LSAMP: variants seen among roughly 807,000 people sequenced by gnomAD.
The protein encoded by LSAMP is limbic system-associated membrane protein.
Under a neutral mutation model 38.6 loss-of-function variants are expected in LSAMP, and 7 were observed. The observed-to-expected ratio is 0.18, with a 90% confidence interval of 0.10 to 0.34. The LOEUF (loss-of-function observed/expected upper bound fraction) is 0.34, where lower values mean the gene tolerates loss of function less well. LSAMP is among the 10% of genes least tolerant of loss of function. The pLI, the probability that LSAMP is intolerant of heterozygous loss-of-function variation, is 1.00. For missense variants in LSAMP, 313 were observed against 420.0 expected (o/e 0.75, Z 2.23); for synonymous variants, 154 against 166.8 (o/e 0.92, Z 0.59).
intron 1 of LSAMP, among the ~76,000 whole-genome samples, chr3:116,266,540 G>A (rs562186447): frequency 1.3e-5 from 2 of 152,056 alleles, no homozygotes; most frequent in African/African-American, 4.8e-5. Context: ...AATAAATAGG[G>A]AACTTTTATT....
At chr3:116,152,744 A>G (rs16824478) in intron 1 of LSAMP, among the ~76,000 whole-genome samples, 23,543 of 152,110 alleles carry the variant, frequency 0.15, 2,240 homozygotes, top group Admixed American at 0.21. Flanking sequence ...AAGAAATCCA[A>G]AGCTCATCAG....
intron 1 of LSAMP, among the ~76,000 whole-genome samples, chr3:116,193,913 C>T (rs780400869): frequency 6.7e-6 from 1 of 150,366 alleles, no homozygotes; most frequent in Non-Finnish European, 1.5e-5. Flanking sequence ...AGTCATCATC[C>T]CTTTGCTGAC....
chr3:115,904,726 C>A (rs902209529), intron 3 of LSAMP, among the ~76,000 whole-genome samples: 12 of 152,222 alleles, frequency 7.9e-5, no homozygotes, highest in African/African-American at 2.9e-4. Flanking sequence ...CATCAACGTT[C>A]CTTCCTCTGG....
rs1385202316 is a variant in LSAMP, at chr3:115,849,298, C to T, written c.649+3185G>A. Among the ~76,000 whole-genome samples, 11 of 152,284 alleles carry T rather than the reference C, an allele frequency of 7.2e-5. No individual in the cohort carries two copies. In the East Asian group the frequency reaches 1.4e-3, roughly 19 times the overall value. On this transcript the variant is annotated intron_variant, in intron 4 of 6. Transcript: ENST00000490035. ...GCTATATGCCTACTGCAGAGAAGTG[C>T]TATCCAAAAGAAGTAAAAAGGAGAG... is the stretch of plus-strand genomic sequence containing the variant.
chr3:116,308,145 T>C (rs533355070), intron 1 of LSAMP, among the ~76,000 whole-genome samples: 2 of 152,118 alleles, frequency 1.3e-5, no homozygotes, highest in East Asian at 3.9e-4. Flanking sequence ...TCTTTTAAAA[T>C]TGCCTATTAG....
At chr3:115,988,919 T>G (rs571460193) in intron 3 of LSAMP, among the ~76,000 whole-genome samples, 2 of 152,192 alleles carry the variant, frequency 1.3e-5, no homozygotes, top group South Asian at 4.1e-4. Flanking sequence ...TTAAAACTCT[T>G]TCATTCTCGA....
At chr3:116,358,847 T>C (rs139807338) in intron 1 of LSAMP, among the ~76,000 whole-genome samples, 2 of 152,186 alleles carry the variant, frequency 1.3e-5, no homozygotes, top group African/African-American at 4.8e-5. Flanking sequence ...AAATTGTTAA[T>C]AGAACAAACA....
intron 2 of LSAMP, among the ~76,000 whole-genome samples, chr3:116,042,749 G>A (rs1941203134): frequency 6.6e-6 from 1 of 152,084 alleles, no homozygotes; most frequent in Non-Finnish European, 1.5e-5. Flanking sequence ...TCTTAATCAA[G>A]TAATCTGTCT....
intron 1 of LSAMP, among the ~76,000 whole-genome samples, chr3:116,337,643 A>T (rs967351935): frequency 6.6e-6 from 1 of 152,048 alleles, no homozygotes; most frequent in African/African-American, 2.4e-5. Context: ...ACTTAACAAC[A>T]TCAAACTTCA....
chr3:115,918,161 T>A (rs1461734344), intron 3 of LSAMP, among the ~76,000 whole-genome samples: 1 of 152,176 alleles, frequency 6.6e-6, no homozygotes, highest in Non-Finnish European at 1.5e-5. Flanking sequence ...GATTTTTATT[T>A]TTCCAGTGCC....
chr3:116,214,912 T>A (rs1009110201), intron 1 of LSAMP, among the ~76,000 whole-genome samples: 1 of 152,156 alleles, frequency 6.6e-6, no homozygotes, highest in African/African-American at 2.4e-5. Flanking sequence ...TAAATTTCAA[T>A]GAACTGTGAC....
chr3:116,103,240 C>T (rs1559743361), intron 1 of LSAMP, among the ~76,000 whole-genome samples: 1 of 151,990 alleles, frequency 6.6e-6, no homozygotes, highest in Non-Finnish European at 1.5e-5. Flanking sequence ...CCCAGGTGGG[C>T]AGATCACTTG....
At chr3:116,258,190 C>T (rs1173546533) in intron 1 of LSAMP, among the ~76,000 whole-genome samples, 1 of 152,084 alleles carries the variant, frequency 6.6e-6, no homozygotes, top group Non-Finnish European at 1.5e-5. Flanking sequence ...ACACCATTGC[C>T]TTTCTACAAA....
rs185352479 is a variant in LSAMP at position 116,028,541 on chromosome 3, C to A, written c.389-8901G>T. Among the ~76,000 whole-genome samples the A allele has an allele frequency of 2.6e-3, 401 of 152,238 alleles. 1 individual carries two copies. The highest frequency in any genetic ancestry group is 4.4e-3 in the Non-Finnish European group (300 of 68,028). ...TAAATGCTTTAGTTTCCTCACCTAG[C>A]AATTGGAGGTACAAGGTTGGCATTA... On this transcript the variant is annotated intron_variant, in intron 2 of 6. Transcript: ENST00000490035.
At chr3:116,366,589 A>T (rs2048357451) in intron 1 of LSAMP, among the ~76,000 whole-genome samples, 1 of 152,186 alleles carries the variant, frequency 6.6e-6, no homozygotes, top group Non-Finnish European at 1.5e-5. Context: ...GAAAGCATCT[A>T]AGGATTAAAG....
intron 1 of LSAMP, among the ~76,000 whole-genome samples, chr3:116,204,323 T>G (rs1027835059): frequency 2.0e-5 from 3 of 152,062 alleles, no homozygotes; most frequent in African/African-American, 7.2e-5. Context: ...ATGAGTAGGT[T>G]GCGAAAACTT....
chr3:115,974,526 T>G (rs1385215608), intron 3 of LSAMP, among the ~76,000 whole-genome samples: 1 of 151,664 alleles, frequency 6.6e-6, no homozygotes, highest in South Asian at 2.1e-4. Flanking sequence ...TTTTTCCAAA[T>G]AGGTTCTCAG....
At chr3:116,403,866 T>G (rs2048871162) in intron 1 of LSAMP, among the ~76,000 whole-genome samples, 1 of 151,920 alleles carries the variant, frequency 6.6e-6, no homozygotes, top group African/African-American at 2.4e-5. Context: ...TCCTCCAACC[T>G]TAGCCTTCTG....
chr3:116,232,385 A>C (rs757429240), intron 1 of LSAMP, among the ~76,000 whole-genome samples: 4 of 152,216 alleles, frequency 2.6e-5, no homozygotes, highest in Non-Finnish European at 5.9e-5. Flanking sequence ...CTTAGATTTA[A>C]AGATTTAAAG....
Sources: allele counts gnomAD v4.1 joint callset (sites outside exome capture counted in the v4.1 genomes callset), GRCh38; gene constraint gnomAD v4.1.1; transcripts MANE v1.5; gene names NCBI Gene and HGNC (gene_info 2026-07-23, HGNC 2026-07-21).